The following IL1RAPL2 variants were observed in gnomAD, a reference collection of about 807,000 sequenced individuals.
The protein encoded by IL1RAPL2 is interleukin 1 receptor accessory protein like 2.
A neutral mutation model predicts 44.1 loss-of-function variants in IL1RAPL2; 3 were observed. That is an observed-to-expected ratio of 0.07 (90% CI 0.03 to 0.18). The LOEUF is 0.18. IL1RAPL2 is among the 10% of genes least tolerant of loss of function. IL1RAPL2 has a pLI of 1.00. For missense variants in IL1RAPL2, 391 were observed against 496.4 expected (o/e 0.79, Z 2.02); for synonymous variants, 181 against 178.8 (o/e 1.01, Z -0.10).
chrX:105,286,648 C>A (rs773264629), intron 5 of IL1RAPL2, among the ~76,000 whole-genome samples: 1 of 109,658 alleles, frequency 9.1e-6, no homozygotes, highest in South Asian at 3.9e-4. Context: ...AACACATTGC[C>A]AGCCAGAAAG....
At chrX:105,422,678 A>G (rs1357152825) in intron 5 of IL1RAPL2, among the ~76,000 whole-genome samples, 2 of 112,019 alleles carry the variant, frequency 1.8e-5, no homozygotes, top group Non-Finnish European at 3.8e-5. Flanking sequence ...CTGGAAAAAC[A>G]GAACAAAGGA....
At chrX:105,713,395 G>A (rs1387547416) in intron 6 of IL1RAPL2, among the ~76,000 whole-genome samples, 1 of 111,320 alleles carries the variant, frequency 9.0e-6, no homozygotes, top group Non-Finnish European at 1.9e-5. Flanking sequence ...CTTGTGTTCT[G>A]TACACCTGCA....
chrX:105,525,159 T>A (rs1209102862), intron 6 of IL1RAPL2, among the ~76,000 whole-genome samples: 2 of 111,454 alleles, frequency 1.8e-5, no homozygotes, highest in Non-Finnish European at 3.8e-5. Flanking sequence ...TTTGATTTTG[T>A]TAATTGTCTG....
intron 6 of IL1RAPL2, among the ~76,000 whole-genome samples, chrX:105,681,578 C>T (rs1245984160): frequency 1.8e-5 from 2 of 111,393 alleles, no homozygotes; most frequent in African/African-American, 6.5e-5. Flanking sequence ...GCCAATGTGA[C>T]GAAACCCTGT....
chrX:104,949,691 A>C (rs1294977922), intron 2 of IL1RAPL2, among the ~76,000 whole-genome samples: 6 of 110,647 alleles, frequency 5.4e-5, no homozygotes, highest in Non-Finnish European at 1.1e-4. Context: ...GTAGTCATTC[A>C]GGAGCAGGTT....
chrX:105,034,886 C>T (rs959939812), intron 2 of IL1RAPL2, among the ~76,000 whole-genome samples: 2 of 111,022 alleles, frequency 1.8e-5, no homozygotes, highest in Non-Finnish European at 3.8e-5. Flanking sequence ...GTGGTGGGCT[C>T]CACCCAGTTC....
intron 1 of IL1RAPL2, among the ~76,000 whole-genome samples, chrX:104,617,412 C>T (rs1186662209): frequency 1.8e-5 from 2 of 112,128 alleles, no homozygotes; most frequent in Non-Finnish European, 3.8e-5. Flanking sequence ...ATGTCTATCT[C>T]TAGCACGATT....
intron 5 of IL1RAPL2, among the ~76,000 whole-genome samples, chrX:105,437,844 T>A: frequency 8.9e-6 from 1 of 111,947 alleles, no homozygotes; most frequent in Non-Finnish European, 1.9e-5. Flanking sequence ...CATTAACCTT[T>A]AATTTTAATG....
chrX:105,588,303 A>G (rs1042649149), intron 6 of IL1RAPL2, among the ~76,000 whole-genome samples: 2 of 111,601 alleles, frequency 1.8e-5, no homozygotes, highest in African/African-American at 6.5e-5. Context: ...ATGTGAATCT[A>G]TATCTCAAAA....
intron 6 of IL1RAPL2, among the ~76,000 whole-genome samples, chrX:105,695,856 A>G (rs1001647330): frequency 3.2e-4 from 36 of 112,236 alleles, no homozygotes; most frequent in African/African-American, 1.1e-3. Flanking sequence ...CAGAGATCAA[A>G]TCCTTTTCTG....
intron 2 of IL1RAPL2, among the ~76,000 whole-genome samples, chrX:105,060,062 C>T (rs781236627): frequency 9.0e-6 from 1 of 111,690 alleles, no homozygotes; most frequent in Admixed American, 9.5e-5. Flanking sequence ...AATTTACATT[C>T]CCGCTAACAG....
chrX:105,604,315 G>T (rs959979623), intron 6 of IL1RAPL2, among the ~76,000 whole-genome samples: 2 of 110,387 alleles, frequency 1.8e-5, no homozygotes, highest in African/African-American at 6.6e-5. Flanking sequence ...GAAAAATAAG[G>T]CATTAAAACT....
intron 1 of IL1RAPL2, among the ~76,000 whole-genome samples, chrX:104,574,055 T>C (rs1032290786): frequency 8.9e-6 from 1 of 111,823 alleles, no homozygotes; most frequent in African/African-American, 3.2e-5. Context: ...AATTACAATT[T>C]AACATTTTAT....
chrX:104,805,341 G>A (rs771189271), intron 2 of IL1RAPL2, among the ~76,000 whole-genome samples: 2 of 111,956 alleles, frequency 1.8e-5, no homozygotes, highest in Non-Finnish European at 3.8e-5. Context: ...GGTATAAATG[G>A]GTTTATTATT....
intron 6 of IL1RAPL2, among the ~76,000 whole-genome samples, chrX:105,686,342 T>A (rs1317410925): frequency 5.0e-5 from 2 of 40,010 alleles, no homozygotes; most frequent in African/African-American, 1.2e-4. Flanking sequence ...AGGCTCAAAA[T>A]AAAGGGATGG....
At chrX:105,021,719 T>TA (rs2031285410) in intron 2 of IL1RAPL2, among the ~76,000 whole-genome samples, 1 of 111,878 alleles carries the variant, frequency 8.9e-6, no homozygotes, top group Non-Finnish European at 1.9e-5. Flanking sequence ...TGATTATGAC[T>TA]AGGATTGGAC....
intron 1 of IL1RAPL2, among the ~76,000 whole-genome samples, chrX:104,657,875 A>G (rs187439091): frequency 3.9e-3 from 435 of 112,470 alleles, no homozygotes; most frequent in African/African-American, 0.013. Flanking sequence ...AATGCTCATC[A>G]TCACTGGTCA....
At chrX:105,073,299 G>GT (rs1332895106) in intron 2 of IL1RAPL2, among the ~76,000 whole-genome samples, 1 of 95,807 alleles carries the variant, frequency 1.0e-5, no homozygotes, top group Non-Finnish European at 2.1e-5. Flanking sequence ...GCGGTGTTTG[G>GT]TTTTTTGTCC....
In IL1RAPL2 at chrX:104,717,445, TAAAAA is replaced by T. The variant is rs767384557; in HGVS notation, c.82+58464_82+58468del. Among the ~76,000 whole-genome samples the T allele has an allele frequency of 2.2e-4, 18 of 83,544 alleles. No individual in the cohort carries two copies. In the East Asian group the frequency reaches 5.2e-3, roughly 24 times the overall value. 72.5% of individuals were successfully genotyped at this position (83,544 alleles called of 115,157 possible). A position where few individuals can be genotyped will look rare whatever the true frequency, so the allele number is the denominator to read the frequency against. On this transcript the variant is annotated intron_variant, in intron 2 of 10. Transcript: ENST00000372582. ...CACATGTACCCCTGAACTTAAAAGT[TAAAAA>T]AAAAAAAAAAAAAGAACATTTTGAT...
Sources: allele counts gnomAD v4.1 joint callset (sites outside exome capture counted in the v4.1 genomes callset), GRCh38; gene constraint gnomAD v4.1.1; transcripts MANE v1.5; gene names NCBI Gene and HGNC (gene_info 2026-07-23, HGNC 2026-07-21).